Variants in ARK2N observed in about 807,000 individuals in gnomAD.
ARK2N encodes the protein protein ARK2N.
chr18:46,216,773 A>T, the ARK2N span: 3 of 585,606 alleles, frequency 5.1e-6, no homozygotes, highest in East Asian at 8.5e-5. The surrounding 1 kb of genome is among the most constrained non-coding windows in gnomAD (Gnocchi z 4.3). Flanking sequence ...TGAGGTTTCC[A>T]GTGAACTTTA....
chr18:46,205,538 A>G, the ARK2N span, among the ~76,000 whole-genome samples: 2 of 152,302 alleles, frequency 1.3e-5, no homozygotes, highest in South Asian at 4.1e-4. Context: ...TTCCTTGCCT[A>G]TCCGTTTATA....
chr18:46,194,778 G>A, the ARK2N span, among the ~76,000 whole-genome samples: 1 of 143,272 alleles, frequency 7.0e-6, no homozygotes, highest in Non-Finnish European at 1.5e-5. Context: ...CCGGATTCTT[G>A]TTTTTATTTA....
chr18:46,216,880 T>G, the ARK2N span: 1 of 334,038 alleles, frequency 3.0e-6, no homozygotes, highest in East Asian at 5.9e-5. The surrounding 1 kb of genome is among the most constrained non-coding windows in gnomAD (Gnocchi z 4.3). Flanking sequence ...ACACATTACC[T>G]GAACTCCCAA....
At chr18:46,196,270 G>A in the ARK2N span, among the ~76,000 whole-genome samples, 288 of 132,290 alleles carry the variant, frequency 2.2e-3, 2 homozygotes, top group Middle Eastern at 0.032. Flanking sequence ...GTGAGCCACC[G>A]TGCCCGGCCA....
the ARK2N span, among the ~76,000 whole-genome samples, chr18:46,190,220 T>C: frequency 6.6e-6 from 1 of 152,104 alleles, no homozygotes; most frequent in African/African-American, 2.4e-5. Flanking sequence ...TGTAGTGTTT[T>C]AAAATTACAG....
the ARK2N span, among the ~76,000 whole-genome samples, chr18:46,259,612 TTTG>T: frequency 2.0e-5 from 3 of 151,676 alleles, no homozygotes; most frequent in African/African-American, 7.3e-5. Context: ...GACTTATTTT[TTTG>T]TTTTTATTTT....
chr18:46,201,287 GGTTTT>G, the ARK2N span, among the ~76,000 whole-genome samples: 2 of 151,950 alleles, frequency 1.3e-5, no homozygotes, highest in Admixed American at 1.3e-4. Context: ...GCCTGACCTT[GGTTTT>G]GTTTTGTTTT....
chr18:46,245,875 C>T, the ARK2N span, among the ~76,000 whole-genome samples: 2 of 152,028 alleles, frequency 1.3e-5, no homozygotes, highest in African/African-American at 4.8e-5. Flanking sequence ...TGATAACTAC[C>T]TTTTCTTGGT....
chr18:46,231,747 T>G, the ARK2N span: 1 of 151,644 alleles, frequency 6.6e-6, no homozygotes, highest in Middle Eastern at 3.1e-3. Context: ...TTTTTTTTTT[T>G]GTTTTTTGTT....
chr18:46,226,144 G>C, the ARK2N span, among the ~76,000 whole-genome samples: 2 of 152,088 alleles, frequency 1.3e-5, no homozygotes, highest in South Asian at 4.1e-4. Flanking sequence ...AATCTAATTT[G>C]TTGCTAGTTT....
At chr18:46,250,097 A>G in the ARK2N span, among the ~76,000 whole-genome samples, 19 of 151,108 alleles carry the variant, frequency 1.3e-4, no homozygotes, top group African/African-American at 2.7e-4. Context: ...TCTCTCATCT[A>G]TTGCTGAGGA....
chr18:46,204,929 C>CTTTTTTT, the ARK2N span, among the ~76,000 whole-genome samples: 7 of 145,608 alleles, frequency 4.8e-5, no homozygotes, highest in South Asian at 2.1e-4. Context: ...TTTCTTTTTT[C>CTTTTTTT]TTTTTTTTTT....
chr18:46,187,091 C>A, the ARK2N span, among the ~76,000 whole-genome samples: 3 of 143,036 alleles, frequency 2.1e-5, no homozygotes, highest in African/African-American at 5.2e-5. Context: ...AGACCTCAGG[C>A]GATCCGCCCG....
chr18:46,178,929 A>T, the ARK2N span, among the ~76,000 whole-genome samples: 4 of 151,458 alleles, frequency 2.6e-5, no homozygotes, highest in Non-Finnish European at 5.9e-5. Context: ...TTTCTTTATT[A>T]TCCTTAAGTT....
chr18:46,216,006 G>A, the ARK2N span: 5 of 1,614,150 alleles, frequency 3.1e-6, no homozygotes, highest in Non-Finnish European at 4.2e-6. This position sits in a 1 kb window ranked among gnomAD's most constrained non-coding sequence, Gnocchi z 4.3. Flanking sequence ...CTCAAGTTCA[G>A]AAAGATGGTG....
the ARK2N span, among the ~76,000 whole-genome samples, chr18:46,179,423 C>T: frequency 6.6e-6 from 1 of 152,042 alleles, no homozygotes; most frequent in South Asian, 2.1e-4. Flanking sequence ...TTTACCTGTA[C>T]CTCTTTTCCT....
At chr18:46,183,874 A>C in the ARK2N span, among the ~76,000 whole-genome samples, 1 of 151,936 alleles carries the variant, frequency 6.6e-6, no homozygotes, top group Non-Finnish European at 1.5e-5. Flanking sequence ...CCCAGGCTGG[A>C]GTGCAGTGGC....
At chr18:46,262,372 T>C in the ARK2N span, among the ~76,000 whole-genome samples, 1 of 152,182 alleles carries the variant, frequency 6.6e-6, no homozygotes, top group South Asian at 2.1e-4. Context: ...AACCAAGTGC[T>C]TCTGTTGTGA....
chr18:46,206,471 C>T, the ARK2N span, among the ~76,000 whole-genome samples: 1 of 152,174 alleles, frequency 6.6e-6, no homozygotes. Flanking sequence ...TTTTAGAGAA[C>T]TTCCCTGATC....
Sources: gnomAD v4.1 joint callset for allele counts (sites outside exome capture counted in the v4.1 genomes callset) on GRCh38, gnomAD v4.1.1 for gene constraint, Gnocchi (gnomAD v3.1) non-coding constraint, MANE v1.5 for transcripts, NCBI Gene and HGNC (gene_info 2026-07-23, HGNC 2026-07-21) for gene names.